Variants in MBOAT1 observed in about 807,000 individuals in gnomAD.
The protein encoded by MBOAT1 is membrane bound glycerophospholipid O-acyltransferase 1.
Under a neutral mutation model 64.4 loss-of-function variants are expected in MBOAT1, and 67 were observed. The ratio of observed to expected loss-of-function variants is 1.04; its 90% CI spans 0.85 to 1.27. The LOEUF is 1.27. MBOAT1 is among the 50% of genes most tolerant of loss of function. The pLI is 0.00. For missense variants in MBOAT1, 563 were observed against 604.6 expected (o/e 0.93, Z 0.72); for synonymous variants, 229 against 218.9 (o/e 1.05, Z -0.41).
At chr6:20,147,599 A>G (rs79846097) in intron 3 of MBOAT1, among the ~76,000 whole-genome samples, 6,039 of 151,916 alleles carry the variant, frequency 0.04, 400 homozygotes, top group African/African-American at 0.14. Flanking sequence ...AGATTGCGCC[A>G]TCGCACTCCA....
intron 4 of MBOAT1, among the ~76,000 whole-genome samples, chr6:20,137,184 A>G (rs538692222): frequency 6.6e-6 from 1 of 152,348 alleles, no homozygotes; most frequent in Admixed American, 6.5e-5. Flanking sequence ...GCCTTCCAGA[A>G]GAGTTATGCC....
At position 20,113,047 on chromosome 6, in the gene MBOAT1, A is replaced by G. The variant is rs200887919; in HGVS notation, c.1077-39T>C. ...AAGGAACAAGACACAGGTGAAACAT[A>G]CCAGAAACTTCTAAGTACAGCTGCT... On this transcript the variant is annotated intron_variant, in intron 10 of 12. Coordinates refer to ENST00000324607, the MANE Select transcript of MBOAT1 (RefSeq NM_001080480.3). 3 of 1,598,478 alleles carry G rather than the reference A, an allele frequency of 1.9e-6. No homozygotes were observed. The East Asian group carries it at 6.7e-5, about 36-fold the overall frequency.
At chr6:20,149,125 C>CA (rs926096970) in intron 3 of MBOAT1, among the ~76,000 whole-genome samples, 3 of 142,174 alleles carry the variant, frequency 2.1e-5, no homozygotes, top group Non-Finnish European at 4.7e-5. Context: ...AAAAACCAAA[C>CA]AAAAAAAGGA....
At chr6:20,104,292 T>G (rs950235159) in intron 12 of MBOAT1, among the ~76,000 whole-genome samples, 2 of 152,350 alleles carry the variant, frequency 1.3e-5, no homozygotes, top group Non-Finnish European at 1.5e-5. Flanking sequence ...CTGTATTCTA[T>G]TCCTTAAACA....
Position 20,124,484 on chromosome 6 carries a change from G to A in MBOAT1, c.831C>T (p.Ser277=), listed in dbSNP as rs1271800712. 1.2e-6 allele frequency: 2 copies of A among 1,614,210 alleles called. No individual in the cohort carries two copies. Among genetic ancestry groups the A allele is most frequent in the East Asian group, 2.2e-5 (1 of 44,874 alleles). ...ATAAGTAGCAGAGTCGAGCCGGAAA[G>A]CTTGCTTTATGGACAAACCAGTCAT... ...LVDDWFVHKA[S]FPARLCYLYV... is the part of the protein sequence containing the mutation. Residue 277 remains serine (S), a synonymous_variant, in exon 8 of 13, where the codon AGC becomes AGT. Transcript: ENST00000324607.
intron 5 of MBOAT1, among the ~76,000 whole-genome samples, chr6:20,129,382 T>C (rs1760752544): frequency 6.6e-6 from 1 of 152,348 alleles, no homozygotes; most frequent in Admixed American, 6.5e-5. Context: ...TTCTGTGAAA[T>C]GTACACACTA....
At chr6:20,151,430 A>G (rs1051493723) in intron 2 of MBOAT1, among the ~76,000 whole-genome samples, 168 bp from the exon 3 acceptor site, 5 of 152,254 alleles carry the variant, frequency 3.3e-5, no homozygotes, top group Non-Finnish European at 5.9e-5. Flanking sequence ...TTTTTCTTCT[A>G]TGTAATTAAG....
intron 3 of MBOAT1, among the ~76,000 whole-genome samples, chr6:20,146,834 C>T (rs1174327460): frequency 1.3e-5 from 2 of 152,208 alleles, no homozygotes; most frequent in Non-Finnish European, 2.9e-5. Flanking sequence ...CCTGGCCAAA[C>T]CTAAAACATC....
intron 10 of MBOAT1, among the ~76,000 whole-genome samples, chr6:20,113,443 A>T (rs1273045863): frequency 6.6e-6 from 1 of 152,198 alleles, no homozygotes; most frequent in Non-Finnish European, 1.5e-5. Flanking sequence ...GAATATCCTT[A>T]TTTAGTAAAA....
intron 1 of MBOAT1, among the ~76,000 whole-genome samples, chr6:20,169,925 G>A (rs954523076): frequency 1.3e-5 from 2 of 152,136 alleles, no homozygotes; most frequent in Non-Finnish European, 2.9e-5. Context: ...CTCCAGCCAA[G>A]TCATCGACTA....
At chr6:20,189,777 A>G (rs1464402631) in intron 1 of MBOAT1, among the ~76,000 whole-genome samples, 1 of 152,168 alleles carries the variant, frequency 6.6e-6, no homozygotes, top group Non-Finnish European at 1.5e-5. Context: ...AAGTGAGATC[A>G]CATGGCATTT....
intron 1 of MBOAT1, among the ~76,000 whole-genome samples, chr6:20,185,142 C>T (rs1422811164): frequency 6.6e-6 from 1 of 151,914 alleles, no homozygotes. Flanking sequence ...ATCAGCTACT[C>T]AGGAGGGTGA....
intron 1 of MBOAT1, among the ~76,000 whole-genome samples, chr6:20,206,684 T>G (rs1763276292): frequency 1.3e-5 from 2 of 152,132 alleles, no homozygotes; most frequent in South Asian, 4.1e-4. Context: ...CTGGACACCT[T>G]AGGGACCTCA....
chr6:20,212,456 G>C lies in MBOAT1; in HGVS notation c.-222C>G, dbSNP rs1763471289. On this transcript the variant is annotated 5_prime_UTR_variant, in exon 1 of 13. Transcript: ENST00000324607. ...TTTGGCGCTGGCGCTGCAGCCACGG[G>C]CGCCGTAGGAGGGCCGGGCCCAAGG... 7.2e-6 allele frequency: 4 copies of C among 557,016 alleles called. No individual in the cohort carries two copies. Among genetic ancestry groups the C allele is most frequent in the Non-Finnish European group, 1.3e-5 (4 of 315,826 alleles). 34.5% of individuals were successfully genotyped at this position (557,016 alleles called of 1,614,324 possible). A position where few individuals can be genotyped will look rare whatever the true frequency, so the allele number is the denominator to read the frequency against.
At chr6:20,166,387 T>C (rs1049176107) in intron 1 of MBOAT1, among the ~76,000 whole-genome samples, 5 of 152,094 alleles carry the variant, frequency 3.3e-5, no homozygotes, top group African/African-American at 1.2e-4. Context: ...TTCTCCGCCC[T>C]AACTCCCTCC....
intron 8 of MBOAT1, among the ~76,000 whole-genome samples, chr6:20,123,061 C>T (rs951302574): frequency 6.6e-6 from 1 of 151,868 alleles, no homozygotes; most frequent in Admixed American, 6.6e-5. Flanking sequence ...AACTCCTGGC[C>T]TGAAGTGATT....
At chr6:20,150,335 G>A (rs2113690788) in intron 3 of MBOAT1, among the ~76,000 whole-genome samples, 1 of 152,132 alleles carries the variant, frequency 6.6e-6, no homozygotes, top group East Asian at 1.9e-4. Flanking sequence ...CCAGATTCAA[G>A]AGGGTGGAGA....
At chr6:20,118,570 A>T in intron 8 of MBOAT1, 30 bp from the exon 9 acceptor site, 1 of 1,557,420 alleles carries the variant, frequency 6.4e-7, no homozygotes. Flanking sequence ...ACATTAGGAT[A>T]TGGAACAAAA....
chr6:20,211,422 A>C (rs1763414120), intron 1 of MBOAT1, among the ~76,000 whole-genome samples: 1 of 152,188 alleles, frequency 6.6e-6, no homozygotes, highest in South Asian at 2.1e-4. Flanking sequence ...AATGAGTAAG[A>C]CGGGCTTCAT....
Sources: gnomAD v4.1 joint callset for allele counts (sites outside exome capture counted in the v4.1 genomes callset) on GRCh38, gnomAD v4.1.1 for gene constraint, MANE v1.5 for transcripts, NCBI Gene and HGNC (gene_info 2026-07-23, HGNC 2026-07-21) for gene names.